The following ASPRV1 variants were observed in gnomAD, a reference collection of about 807,000 sequenced individuals.
ASPRV1 encodes retroviral-like aspartic protease 1.
ASPRV1 carries 7 observed loss-of-function variants against 11.0 expected under a neutral mutation model. The ratio of observed to expected loss-of-function variants is 0.64; its 90% CI spans 0.36 to 1.20. The LOEUF (loss-of-function observed/expected upper bound fraction) is 1.20. Among genes scored for constraint, ASPRV1 ranks in the 50% most tolerant of loss-of-function variants. The pLI, the probability that ASPRV1 is intolerant of heterozygous loss-of-function variation, is 0.02. For synonymous variants in ASPRV1, 136 were observed against 138.4 expected (o/e 0.98, Z 0.12); for missense variants, 299 against 320.0 (o/e 0.93, Z 0.50).
the ASPRV1 span, among the ~76,000 whole-genome samples, chr2:70,013,129 T>C: frequency 6.6e-6 from 1 of 152,258 alleles, no homozygotes; most frequent in African/African-American, 2.4e-5. Flanking sequence ...ATTTAGAAGA[T>C]GTGAATAATT....
chr2:70,018,257 G>A, the ASPRV1 span: 1 of 151,982 alleles, frequency 6.6e-6, no homozygotes, highest in Non-Finnish European at 1.5e-5. Context: ...TTGAAACACT[G>A]ACGAAAGAAA....
At chr2:70,013,580 A>G in the ASPRV1 span, among the ~76,000 whole-genome samples, 1 of 152,224 alleles carries the variant, frequency 6.6e-6, no homozygotes, top group African/African-American at 2.4e-5. Flanking sequence ...GTTTTAGAGA[A>G]GACAGCTGTT....
the ASPRV1 span, among the ~76,000 whole-genome samples, chr2:70,053,242 C>T: frequency 6.6e-6 from 1 of 152,030 alleles, no homozygotes; most frequent in Non-Finnish European, 1.5e-5. Flanking sequence ...TCAGATCTAT[C>T]TGCTCTTACA....
rs746832214 is a variant in ASPRV1, at chr2:69,960,855, A to G, written c.582T>C (p.Ser194=). 5.6e-6 allele frequency: 9 copies of G among 1,613,844 alleles called. No individual in the cohort carries two copies. The African/African-American group carries it at 1.2e-4, about 22-fold the overall frequency. The change falls in exon 1 of 1, where the codon AGT becomes AGC. Residue 194 remains serine (S), a synonymous_variant. Coordinates refer to ENST00000320256, the MANE Select transcript of ASPRV1 (RefSeq NM_152792.4). ...LKAQFLVANA[S]AEEAIIGTDV... is the part of the protein sequence containing the mutation. ...CAGTGCCAATGATGGCTTCCTCGGCACTCGCATTGGCCACTAGGAACTGTG... is the reference window on the plus strand; with the variant it reads ...CAGTGCCAATGATGGCTTCCTCGGCGCTCGCATTGGCCACTAGGAACTGTG...
chr2:70,020,218 G>GA, the ASPRV1 span, among the ~76,000 whole-genome samples: 1 of 152,126 alleles, frequency 6.6e-6, no homozygotes, highest in Non-Finnish European at 1.5e-5. Flanking sequence ...ATTACCATAT[G>GA]ATCTAGCAAT....
the ASPRV1 span, chr2:69,935,465 G>T: frequency 6.2e-7 from 1 of 1,602,412 alleles, no homozygotes; most frequent in South Asian, 1.1e-5. Context: ...TGCACATAAA[G>T]GTAAGTGTAT....
the ASPRV1 span, among the ~76,000 whole-genome samples, chr2:70,027,251 C>G: frequency 8.3e-6 from 1 of 121,146 alleles, no homozygotes; most frequent in African/African-American, 3.2e-5. Context: ...GAGCAAGACC[C>G]TGTCTCTCAA....
chr2:70,062,964 T>C, the ASPRV1 span, among the ~76,000 whole-genome samples: 1 of 152,132 alleles, frequency 6.6e-6, no homozygotes, highest in African/African-American at 2.4e-5. Flanking sequence ...CCAGCTCTCT[T>C]AGGTTGGTTT....
the ASPRV1 span, among the ~76,000 whole-genome samples, chr2:70,022,927 A>G: frequency 6.6e-6 from 1 of 152,212 alleles, no homozygotes; most frequent in Non-Finnish European, 1.5e-5. Flanking sequence ...CTGCTGATAC[A>G]GGACATCCAT....
At chr2:70,077,839 G>C in the ASPRV1 span, among the ~76,000 whole-genome samples, 3 of 148,862 alleles carry the variant, frequency 2.0e-5, no homozygotes, top group South Asian at 2.1e-4. Flanking sequence ...TGGACAACAA[G>C]AGCGAAACTC....
chr2:69,958,320 T>A (rs1240557441), downstream of ASPRV1, among the ~76,000 whole-genome samples: 1 of 151,778 alleles, frequency 6.6e-6, no homozygotes, highest in East Asian at 1.9e-4. Context: ...CACTGTGCCC[T>A]CTCGGGGGGC....
the ASPRV1 span, chr2:69,937,545 G>T: frequency 2.8e-6 from 2 of 721,018 alleles, no homozygotes; most frequent in African/African-American, 1.8e-5. Flanking sequence ...CCAGTGACAG[G>T]TTCCTTCTCC....
At chr2:69,942,590 T>C in the ASPRV1 span, 1 of 152,216 alleles carries the variant, frequency 6.6e-6, no homozygotes, top group African/African-American at 2.4e-5. Flanking sequence ...GGGAGCATTC[T>C]TCATTTTAGC....
upstream of ASPRV1, among the ~76,000 whole-genome samples, chr2:69,965,627 C>A (rs1572878204): frequency 6.6e-6 from 1 of 152,158 alleles, no homozygotes; most frequent in African/African-American, 2.4e-5. Flanking sequence ...AGAGCTTTGA[C>A]CACAGCGAGA....
At chr2:69,937,502 G>T in the ASPRV1 span, 1 of 1,105,704 alleles carries the variant, frequency 9.0e-7, no homozygotes, top group Non-Finnish European at 1.3e-6. Context: ...TAAGACACTG[G>T]GTATGATGTA....
At chr2:69,947,290 G>A in the ASPRV1 span, among the ~76,000 whole-genome samples, 1 of 152,186 alleles carries the variant, frequency 6.6e-6, no homozygotes, top group African/African-American at 2.4e-5. Flanking sequence ...CTGCTTTCTT[G>A]TCACCACACT....
chr2:69,938,075 T>G, the ASPRV1 span: 1 of 1,609,702 alleles, frequency 6.2e-7, no homozygotes, highest in Non-Finnish European at 8.5e-7. Context: ...ATCAATGTCC[T>G]TCTCTCTTGT....
At chr2:70,067,397 G>C in the ASPRV1 span, among the ~76,000 whole-genome samples, 1 of 152,198 alleles carries the variant, frequency 6.6e-6, no homozygotes, top group Non-Finnish European at 1.5e-5. Flanking sequence ...CTAGAGATCT[G>C]GGCTGGAGAT....
chr2:69,958,731 G>A (rs1677995853), downstream of ASPRV1, among the ~76,000 whole-genome samples: 1 of 152,222 alleles, frequency 6.6e-6, no homozygotes, highest in African/African-American at 2.4e-5. Context: ...GCCACAGAGA[G>A]TGGGGCTGAA....
Sources: allele counts gnomAD v4.1 joint callset (sites outside exome capture counted in the v4.1 genomes callset), GRCh38; gene constraint gnomAD v4.1.1; transcripts MANE v1.5; gene names NCBI Gene and HGNC (gene_info 2026-07-23, HGNC 2026-07-21).